The following VAT1L variants were observed in gnomAD, a reference collection of about 807,000 sequenced individuals.
VAT1L encodes putative NADPH-dependent quinone oxidoreductase VAT1L.
A neutral mutation model predicts 44.1 loss-of-function variants in VAT1L; 34 were observed. The ratio of observed to expected loss-of-function variants is 0.77; its 90% CI spans 0.59 to 1.03. The LOEUF is 1.03. Among genes scored for constraint, VAT1L ranks in the 50% least tolerant of loss-of-function variants. VAT1L has a pLI of 0.00. For synonymous variants in VAT1L, 253 were observed against 202.2 expected, an observed-to-expected ratio of 1.25 and a Z score of -2.13; for missense variants, 615 against 538.8, an observed-to-expected ratio of 1.14 and a Z score of -1.40.
chr16:77,856,732 C>T (rs1380206953), intron 3 of VAT1L, among the ~76,000 whole-genome samples: 5 of 152,152 alleles, frequency 3.3e-5, no homozygotes, highest in African/African-American at 4.8e-5. Flanking sequence ...AAAATCTCTT[C>T]GCCCATATGA....
At chr16:77,895,138 C>T (rs558377052) in intron 7 of VAT1L, among the ~76,000 whole-genome samples, 14 of 62,882 alleles carry the variant, frequency 2.2e-4, no homozygotes, top group East Asian at 8.5e-4. Context: ...CCGATTTCTA[C>T]GCACATTCTC....
At chr16:77,908,815 G>A (rs2017468132) in intron 7 of VAT1L, among the ~76,000 whole-genome samples, 1 of 152,118 alleles carries the variant, frequency 6.6e-6, no homozygotes, top group Admixed American at 6.5e-5. Flanking sequence ...TTGGGAGGCT[G>A]AGGCAGGAGC....
intron 3 of VAT1L, among the ~76,000 whole-genome samples, chr16:77,836,221 C>G (rs1246550110): frequency 6.6e-6 from 1 of 152,018 alleles, no homozygotes; most frequent in South Asian, 2.1e-4. Flanking sequence ...TAGGGACCCC[C>G]GATTCAGTGC....
chr16:77,853,055 T>A (rs1182507976), intron 3 of VAT1L, among the ~76,000 whole-genome samples: 5 of 152,252 alleles, frequency 3.3e-5, no homozygotes, highest in Non-Finnish European at 4.4e-5. Flanking sequence ...ACTTGCTTCT[T>A]AATCCAGGAC....
intron 1 of VAT1L, among the ~76,000 whole-genome samples, chr16:77,801,899 T>A (rs1009356047): frequency 1.3e-5 from 2 of 152,156 alleles, no homozygotes; most frequent in Non-Finnish European, 2.9e-5. Context: ...AAATTGTTCC[T>A]ACTGGGGACC....
At chr16:77,936,403 G>A (rs1345034373) in intron 7 of VAT1L, among the ~76,000 whole-genome samples, 1 of 152,236 alleles carries the variant, frequency 6.6e-6, no homozygotes, top group South Asian at 2.1e-4. Context: ...CACGCAGGCA[G>A]CCCTTTCTGC....
intron 3 of VAT1L, among the ~76,000 whole-genome samples, chr16:77,841,596 A>G (rs2016706703): frequency 6.6e-6 from 1 of 152,140 alleles, no homozygotes; most frequent in African/African-American, 2.4e-5. Context: ...AATGTCCTCT[A>G]TGTCAAAGAG....
chr16:77,906,667 C>T (rs1054128294), intron 7 of VAT1L, among the ~76,000 whole-genome samples: 1 of 152,128 alleles, frequency 6.6e-6, no homozygotes, highest in African/African-American at 2.4e-5. Flanking sequence ...AACTGTCTTC[C>T]TGAAAAACTA....
At chr16:77,930,373 A>C (rs12933847) in intron 7 of VAT1L, among the ~76,000 whole-genome samples, 34,611 of 151,924 alleles carry the variant, frequency 0.23, 4,147 homozygotes, top group Non-Finnish European at 0.27. Context: ...AATTCCACCT[A>C]CCCCATCCAT....
chr16:77,837,700 C>G (rs1214894397), intron 3 of VAT1L, among the ~76,000 whole-genome samples: 1 of 152,190 alleles, frequency 6.6e-6, no homozygotes, highest in Non-Finnish European at 1.5e-5. Context: ...TCTCTGGTTT[C>G]CAGGTGACAG....
At chr16:77,794,294 C>G (rs2015888809) in intron 1 of VAT1L, among the ~76,000 whole-genome samples, 1 of 152,174 alleles carries the variant, frequency 6.6e-6, no homozygotes, top group Non-Finnish European at 1.5e-5. Flanking sequence ...CTGCCTCCCA[C>G]CCCAAAACGG....
chr16:77,910,087 T>C (rs932724718), intron 7 of VAT1L, among the ~76,000 whole-genome samples: 1 of 152,248 alleles, frequency 6.6e-6, no homozygotes, highest in African/African-American at 2.4e-5. Context: ...AGTTGGAATA[T>C]TATTTGCAAA....
At chr16:77,843,124 G>T (rs183451659) in intron 3 of VAT1L, among the ~76,000 whole-genome samples, 2 of 152,304 alleles carry the variant, frequency 1.3e-5, no homozygotes, top group Non-Finnish European at 2.9e-5. Flanking sequence ...AAGCCACAAA[G>T]ATAGGTCAGG....
chr16:77,927,696 T>A (rs555417027), intron 7 of VAT1L, among the ~76,000 whole-genome samples: 14 of 151,940 alleles, frequency 9.2e-5, no homozygotes, highest in Middle Eastern at 3.4e-3. Flanking sequence ...GCTAACACAG[T>A]GAAACCCCGT....
chr16:77,841,227 C>T (rs919119134), intron 3 of VAT1L, among the ~76,000 whole-genome samples: 1 of 152,140 alleles, frequency 6.6e-6, no homozygotes, highest in African/African-American at 2.4e-5. Flanking sequence ...ACTACAGGCT[C>T]ATGCCACCAT....
chr16:77,946,279 C>CTTTTTTTGTTTTTTTTTTTTTT (rs2017963820), intron 7 of VAT1L, among the ~76,000 whole-genome samples: 1 of 70,428 alleles, frequency 1.4e-5, no homozygotes, highest in Non-Finnish European at 2.5e-5. Context: ...GTTACTTGTT[C>CTTTTTTTGTTTTTTTTTTTTTT]TTTTTTTTTT....
intron 1 of VAT1L, among the ~76,000 whole-genome samples, chr16:77,815,151 A>G (rs1019158199): frequency 6.6e-6 from 1 of 152,212 alleles, no homozygotes; most frequent in Non-Finnish European, 1.5e-5. Flanking sequence ...ATGTTAAATT[A>G]TTAACATTTC....
Position 77,799,177 on chromosome 16 carries a change from G to A in VAT1L, c.233+10262G>A, listed in dbSNP as rs11865540. 1.7e-3 allele frequency among the ~76,000 whole-genome samples: 265 copies of A among 151,432 alleles called. 1 individual carries two copies. The highest frequency in any genetic ancestry group is 6.2e-3 in the African/African-American group (255 of 41,244). On this transcript the variant is annotated intron_variant, in intron 1 of 8. Transcript: ENST00000302536. Reference sequence around the variant, plus strand: ...CTTTGCAAATCACATACCAGCCCCTGGAGATCTCTCTCCCTCTCTTCCTCT... The same window carrying A: ...CTTTGCAAATCACATACCAGCCCCTAGAGATCTCTCTCCCTCTCTTCCTCT...
At chr16:77,825,488 T>G (rs1597053371) in intron 3 of VAT1L, 27 bp downstream of exon 3, 1 of 1,554,330 alleles carries the variant, frequency 6.4e-7, no homozygotes. Flanking sequence ...TAACTTCTCT[T>G]CTTTAAGGTC....
Sources: gnomAD v4.1 joint callset for allele counts (sites outside exome capture counted in the v4.1 genomes callset) on GRCh38, gnomAD v4.1.1 for gene constraint, MANE v1.5 for transcripts, NCBI Gene and HGNC (gene_info 2026-07-23, HGNC 2026-07-21) for gene names.